The following RNF38 variants were observed in gnomAD, a reference collection of about 807,000 sequenced individuals.
RNF38 encodes E3 ubiquitin-protein ligase RNF38.
Under a neutral mutation model 67.2 loss-of-function variants are expected in RNF38, and 15 were observed. The observed-to-expected ratio is 0.22, with a 90% confidence interval of 0.15 to 0.34. The LOEUF is 0.34. RNF38 is among the 10% of genes least tolerant of loss of function. The pLI is 1.00. For missense variants in RNF38, 524 were observed against 639.9 expected (o/e 0.82, Z 1.95); for synonymous variants, 220 against 218.8 (o/e 1.01, Z -0.05).
At chr9:36,364,692 C>G (rs2133698961) in intron 4 of RNF38, among the ~76,000 whole-genome samples, 1 of 152,320 alleles carries the variant, frequency 6.6e-6, no homozygotes, top group African/African-American at 2.4e-5. Flanking sequence ...ACTTTGCCCA[C>G]CTGTTCTTTC....
chr9:36,480,923 T>C (rs549334105), intron 1 of RNF38, among the ~76,000 whole-genome samples: 1 of 152,164 alleles, frequency 6.6e-6, no homozygotes, highest in South Asian at 2.1e-4. Flanking sequence ...GATCAGTATA[T>C]ACACCAAAAC....
chr9:36,424,016 GAAC>G (rs1838706738), intron 2 of RNF38, among the ~76,000 whole-genome samples: 1 of 141,814 alleles, frequency 7.1e-6, no homozygotes, highest in African/African-American at 2.6e-5. Flanking sequence ...GAGATAAAAA[GAAC>G]AAAAGCAAAA....
At chr9:36,461,967 C>T (rs1332918097) in intron 1 of RNF38, among the ~76,000 whole-genome samples, 2 of 152,082 alleles carry the variant, frequency 1.3e-5, no homozygotes, top group Non-Finnish European at 1.5e-5. Context: ...AAGAAACAGG[C>T]CCAAGCCCTG....
rs1203481237 is a variant in RNF38 at position 36,337,126 on chromosome 9, T to C, written c.*2626A>G. On this transcript the variant is annotated 3_prime_UTR_variant, in exon 12 of 12. Transcript: ENST00000259605. ...GGCCAATGAACCAACATCTGCCTGC[T>C]ATCTGGTGCATCACCCAAGGTGACC... 6.6e-6 allele frequency: 1 copy of C among 152,250 alleles called. No individual in the cohort carries two copies. Among genetic ancestry groups the C allele is most frequent in the Admixed American group, 6.5e-5 (1 of 15,286 alleles). The allele number at this position is 152,250 out of a possible 1,614,324, so 9.4% of individuals were successfully genotyped here.
intron 2 of RNF38, among the ~76,000 whole-genome samples, chr9:36,413,490 G>C (rs1838382997): frequency 6.6e-6 from 1 of 152,118 alleles, no homozygotes; most frequent in Non-Finnish European, 1.5e-5. Flanking sequence ...GACACAAAAG[G>C]CTACATTTTG....
At chr9:36,424,941 C>G (rs1169490292) in intron 1 of RNF38, among the ~76,000 whole-genome samples, 1 of 152,190 alleles carries the variant, frequency 6.6e-6, no homozygotes, top group Non-Finnish European at 1.5e-5. Context: ...CCCCCTCTTT[C>G]TACTAGACCG....
intron 2 of RNF38, among the ~76,000 whole-genome samples, chr9:36,421,669 TAAAA>T (rs1384179542): frequency 6.6e-6 from 1 of 151,414 alleles, no homozygotes; most frequent in African/African-American, 2.4e-5. Flanking sequence ...GTCTGAAAAA[TAAAA>T]ATAAATAAAT....
intron 1 of RNF38, among the ~76,000 whole-genome samples, chr9:36,453,403 G>A (rs1257507559): frequency 1.4e-5 from 2 of 141,940 alleles, no homozygotes; most frequent in Non-Finnish European, 3.0e-5. Flanking sequence ...TTTTTTTTGA[G>A]ACGGAGTCTC....
intron 1 of RNF38, among the ~76,000 whole-genome samples, chr9:36,481,549 G>GT (rs1840270975): frequency 6.6e-6 from 1 of 152,142 alleles, no homozygotes; most frequent in South Asian, 2.1e-4. Flanking sequence ...AACATCTTTA[G>GT]TTTTTTAACA....
In RNF38 at chr9:36,450,805, T is replaced by C. The variant is rs188294969; in HGVS notation, n.242-26122A>G. 5.6e-3 allele frequency among the ~76,000 whole-genome samples: 846 copies of C among 152,270 alleles called. 12 individuals are homozygous for C. Among genetic ancestry groups the C allele is most frequent in the African/African-American group, 0.019 (791 of 41,544 alleles). ...GGTTCATGCCTGTAATCCCAGCTAC[T>C]TGGGAGGCTGAGGCAGGAGAATCAC... On this transcript the variant is annotated intron_variant and non_coding_transcript_variant, in intron 1 of 3. Coordinates refer to the RNF38 transcript ENST00000488058.
Position 36,341,211 on chromosome 9 carries a change from C to A in RNF38, c.1485+1114G>T, listed in dbSNP as rs537851926. On this transcript the variant is annotated intron_variant, in intron 11 of 11. Transcript: ENST00000259605. The stretch of plus-strand genomic sequence containing the variant: ...CTCTTCCTCACATTCCAACTATCAG[C>A]CACACGGAACTTGTGGTTTTCTGAT... 3.3e-5 allele frequency among the ~76,000 whole-genome samples: 5 copies of A among 152,310 alleles called. No individual in the cohort carries two copies. The South Asian group carries it at 1.0e-3, about 32-fold the overall frequency.
intron 1 of RNF38, among the ~76,000 whole-genome samples, chr9:36,432,940 A>G (rs922872517): frequency 1.3e-5 from 2 of 152,170 alleles, no homozygotes; most frequent in African/African-American, 4.8e-5. Context: ...TAAACATAAC[A>G]CACTTATTTT....
At chr9:36,463,719 T>C (rs1035108727) in intron 1 of RNF38, among the ~76,000 whole-genome samples, 4 of 152,224 alleles carry the variant, frequency 2.6e-5, no homozygotes, top group Non-Finnish European at 5.9e-5. Context: ...TGGGATTAGG[T>C]AATTCTTCCA....
At chr9:36,424,988 C>T (rs907878004) in intron 1 of RNF38, among the ~76,000 whole-genome samples, 5 of 152,160 alleles carry the variant, frequency 3.3e-5, no homozygotes, top group Non-Finnish European at 7.4e-5. Context: ...CCTGCAGAAA[C>T]ACAAGCCTTC....
chr9:36,347,123 G>T (rs10972864), intron 9 of RNF38, among the ~76,000 whole-genome samples: 3 of 1,306 alleles, frequency 2.3e-3, no homozygotes, highest in Non-Finnish European at 6.0e-3. Context: ...TCCATCTCGG[G>T]GGGGGGGGGG....
At chr9:36,346,085 T>G (rs1363503580) in intron 9 of RNF38, among the ~76,000 whole-genome samples, 3 of 152,234 alleles carry the variant, frequency 2.0e-5, no homozygotes, top group Non-Finnish European at 2.9e-5. Flanking sequence ...TACCTCATAT[T>G]AAACAATACT....
At chr9:36,471,872 G>A (rs902942752) in intron 1 of RNF38, among the ~76,000 whole-genome samples, 1 of 152,180 alleles carries the variant, frequency 6.6e-6, no homozygotes, top group Middle Eastern at 3.2e-3. Context: ...TGGGATTACA[G>A]GTGAGCCACC....
chr9:36,350,508 A>AC (rs1285024522), intron 9 of RNF38, among the ~76,000 whole-genome samples: 5 of 152,246 alleles, frequency 3.3e-5, no homozygotes, highest in African/African-American at 9.6e-5. Flanking sequence ...TTAACCACAG[A>AC]CCATCTGTTG....
rs538226896 is a variant in RNF38 at position 36,415,196 on chromosome 9, C to T, written n.312+9417G>A. 1.4e-4 allele frequency among the ~76,000 whole-genome samples: 21 copies of T among 152,264 alleles called. No individual in the cohort carries two copies. In the South Asian group the frequency reaches 3.1e-3, roughly 23 times the overall value. ...AACACCAATTATTCTTAGGCTTGATCGTTTAACATAATCTCAAACTTATTG... is the reference window on the plus strand; with the variant it reads ...AACACCAATTATTCTTAGGCTTGATTGTTTAACATAATCTCAAACTTATTG... On this transcript the variant is annotated intron_variant and non_coding_transcript_variant, in intron 2 of 3. Coordinates refer to the RNF38 transcript ENST00000488058.
Sources: gnomAD v4.1 joint callset for allele counts (sites outside exome capture counted in the v4.1 genomes callset) on GRCh38, gnomAD v4.1.1 for gene constraint, MANE v1.5 for transcripts, NCBI Gene and HGNC (gene_info 2026-07-23, HGNC 2026-07-21) for gene names.